The following BARD1 variants were observed in gnomAD, a reference collection of about 807,000 sequenced individuals.
BARD1 encodes the protein BRCA1-associated RING domain protein 1.
A neutral mutation model predicts 77.0 loss-of-function variants in BARD1; 73 were observed. That is an observed-to-expected ratio of 0.95 (90% CI 0.79 to 1.15). The LOEUF is 1.15. Among genes scored for constraint, BARD1 ranks in the 50% most tolerant of loss-of-function variants. BARD1 has a pLI of 0.00. For synonymous variants in BARD1, 384 were observed against 338.0 expected (o/e 1.14, Z -1.49); for missense variants, 993 against 938.8 (o/e 1.06, Z -0.75).
At chr2:214,758,206 C>G (rs1294151704) in intron 6 of BARD1, among the ~76,000 whole-genome samples, 2 of 152,164 alleles carry the variant, frequency 1.3e-5, no homozygotes. Context: ...TCAGCCCTGC[C>G]ACTCAAAAGT....
At chr2:214,774,947 T>G (rs1323516910) in intron 4 of BARD1, among the ~76,000 whole-genome samples, 2 of 152,174 alleles carry the variant, frequency 1.3e-5, no homozygotes, top group African/African-American at 4.8e-5. Context: ...TTCTGCAGCT[T>G]CCTCACCTCT....
intron 1 of BARD1, among the ~76,000 whole-genome samples, chr2:214,806,876 G>GGAA (rs34599021): frequency 1.9e-4 from 25 of 133,618 alleles, no homozygotes; most frequent in South Asian, 1.7e-3. Context: ...TTTGCCTAGG[G>GGAA]AAAAAAAAAA....
chr2:214,739,489 G>C (rs1333128251), intron 9 of BARD1, among the ~76,000 whole-genome samples: 3 of 151,986 alleles, frequency 2.0e-5, no homozygotes, highest in East Asian at 3.9e-4. Context: ...CTTTTTAGTC[G>C]AGTAAACTAT....
At chr2:214,745,670 T>A in intron 8 of BARD1, 52 bp downstream of exon 8, 6 of 1,591,832 alleles carry the variant, frequency 3.8e-6, no homozygotes, top group Non-Finnish European at 5.2e-6. Flanking sequence ...TCCAAAAGGA[T>A]CATCTATTTA....
chr2:214,736,386 A>C (rs1046267116), intron 9 of BARD1, among the ~76,000 whole-genome samples: 35 of 152,064 alleles, frequency 2.3e-4, no homozygotes, highest in Non-Finnish European at 8.8e-5. Flanking sequence ...TCATTACGTA[A>C]GCAGGTATTC....
intron 6 of BARD1, among the ~76,000 whole-genome samples, chr2:214,760,205 T>C (rs1407144365): frequency 6.6e-6 from 1 of 152,220 alleles, no homozygotes; most frequent in African/African-American, 2.4e-5. Context: ...ATTATTATTA[T>C]TATTTGAGAC....
chr2:214,775,127 C>A (rs954911341), intron 4 of BARD1, among the ~76,000 whole-genome samples: 2 of 152,166 alleles, frequency 1.3e-5, no homozygotes, highest in Non-Finnish European at 1.5e-5. Flanking sequence ...AACAGGGTAG[C>A]TCTTTTAAAT....
chr2:214,804,986 C>T (rs1339694103), intron 1 of BARD1, among the ~76,000 whole-genome samples: 1 of 152,130 alleles, frequency 6.6e-6, no homozygotes, highest in East Asian at 1.9e-4. Flanking sequence ...CATGGTGAAA[C>T]CCCGTGTCTA....
intron 6 of BARD1, among the ~76,000 whole-genome samples, chr2:214,766,889 C>T (rs528269840): frequency 1.3e-5 from 2 of 151,824 alleles, no homozygotes; most frequent in South Asian, 2.1e-4. Context: ...ACTTGTGTAA[C>T]GGGGGTGTGT....
chr2:214,726,222 G>T lies in BARD1; in HGVS notation c.*2454C>A. ...GTTTCTATTTTTCAGCAAGTCAAAA[G>T]AAAAAACAATTGAGATAGATATGGT... On this transcript the variant is annotated 3_prime_UTR_variant, in exon 11 of 11. Coordinates refer to ENST00000260947, the MANE Select transcript of BARD1 (RefSeq NM_000465.4). The T allele has an allele frequency of 4.8e-6, 1 of 207,330 alleles. No individual in the cohort carries two copies. Among genetic ancestry groups the T allele is most frequent in the Non-Finnish European group, 9.8e-6 (1 of 101,792 alleles). The allele number at this position is 207,330 out of a possible 1,614,324, so 12.8% of individuals were successfully genotyped here.
Position 214,745,700 on chromosome 2 carries a change from T to C in BARD1, c.1810+22A>G, listed in dbSNP as rs768571509. The C allele has an allele frequency of 1.3e-5, 21 of 1,613,708 alleles. No homozygotes were observed. The Admixed American group carries it at 1.5e-4, about 12-fold the overall frequency. On this transcript the variant is annotated intron_variant, in intron 8 of 10. Transcript: ENST00000260947. The stretch of plus-strand genomic sequence containing the variant: ...TATTTAACATTTTTTCTACCCCACC[T>C]CCCAAAATTCAAAATCCTCACCTGT...
intron 9 of BARD1, among the ~76,000 whole-genome samples, chr2:214,733,186 T>C (rs886663687): frequency 2.6e-5 from 4 of 152,188 alleles, no homozygotes; most frequent in Admixed American, 1.3e-4. Context: ...TTCGGCGCTC[T>C]TCCTATATCA....
chr2:214,753,396 T>C (rs557979649), intron 6 of BARD1, among the ~76,000 whole-genome samples: 37 of 152,302 alleles, frequency 2.4e-4, no homozygotes, highest in Middle Eastern at 3.4e-3. Flanking sequence ...CACTATACCA[T>C]GGCAAGAAGT....
At chr2:214,741,845 G>T (rs1404262999) in intron 9 of BARD1, among the ~76,000 whole-genome samples, 1 of 152,146 alleles carries the variant, frequency 6.6e-6, no homozygotes, top group Non-Finnish European at 1.5e-5. Context: ...GAAAATAAGA[G>T]ATATTAACCA....
At chr2:214,772,053 A>T (rs1271744036) in intron 4 of BARD1, among the ~76,000 whole-genome samples, 1 of 152,030 alleles carries the variant, frequency 6.6e-6, no homozygotes, top group Admixed American at 6.6e-5. Flanking sequence ...TGTAACTTCA[A>T]GCTCCTGGGC....
intron 7 of BARD1, among the ~76,000 whole-genome samples, chr2:214,751,097 G>C (rs868231359): frequency 0.12 from 1,305 of 10,736 alleles, 108 homozygotes; most frequent in Middle Eastern, 0.19. Flanking sequence ...GTGTGTGTGT[G>C]TGTGTGTGTG....
At chr2:214,787,382 A>G (rs987564250) in intron 3 of BARD1, among the ~76,000 whole-genome samples, 2 of 151,988 alleles carry the variant, frequency 1.3e-5, no homozygotes, top group Non-Finnish European at 2.9e-5. Flanking sequence ...AAAGATTTTA[A>G]TTATGTATCT....
At chr2:214,742,488 T>C (rs1249151008) in intron 9 of BARD1, among the ~76,000 whole-genome samples, 1 of 152,186 alleles carries the variant, frequency 6.6e-6, no homozygotes, top group Non-Finnish European at 1.5e-5. Flanking sequence ...TGAATCTGTT[T>C]CTCTTTGTAC....
intron 6 of BARD1, among the ~76,000 whole-genome samples, chr2:214,764,719 GTTC>G (rs1694115829): frequency 6.6e-6 from 1 of 152,188 alleles, no homozygotes; most frequent in Non-Finnish European, 1.5e-5. Flanking sequence ...CCAGACTCGT[GTTC>G]TTCTGCAGGT....
Sources: allele counts gnomAD v4.1 joint callset (sites outside exome capture counted in the v4.1 genomes callset), GRCh38; gene constraint gnomAD v4.1.1; transcripts MANE v1.5; gene names NCBI Gene and HGNC (gene_info 2026-07-23, HGNC 2026-07-21).